HFM1: variants seen among roughly 807,000 people sequenced by gnomAD.
HFM1 encodes probable ATP-dependent DNA helicase HFM1.
In HFM1, 169 loss-of-function variants were observed where a neutral mutation model predicts 192.1. The ratio of observed to expected loss-of-function variants is 0.88; its 90% confidence interval spans 0.78 to 1.00. The LOEUF (loss-of-function observed/expected upper bound fraction) is 1.00, where lower values mean the gene tolerates loss of function less well. Among genes scored for constraint, HFM1 ranks in the 50% least tolerant of loss-of-function variants. The pLI is 0.00. For missense variants in HFM1, 1,661 were observed against 1,668.0 expected (o/e 1.00, Z 0.07); for synonymous variants, 525 against 537.8 (o/e 0.98, Z 0.33).
At chr1:91,267,372 A>AT (rs1216206060) in intron 35 of HFM1, among the ~76,000 whole-genome samples, 2 of 152,150 alleles carry the variant, frequency 1.3e-5, no homozygotes, top group African/African-American at 4.8e-5. Context: ...TTAAAAATGT[A>AT]TTTTTTTGTT....
At chr1:91,321,366 C>T (rs946561239) in intron 23 of HFM1, among the ~76,000 whole-genome samples, 4 of 152,238 alleles carry the variant, frequency 2.6e-5, no homozygotes, top group Admixed American at 2.6e-4. Context: ...ATCGCTTGAG[C>T]CCGGGAGGCA....
intron 31 of HFM1, 43 bp downstream of exon 31, chr1:91,276,939 T>G: frequency 1.6e-6 from 2 of 1,216,384 alleles, no homozygotes; most frequent in Non-Finnish European, 2.3e-6. Context: ...CAAAGACCTT[T>G]CAATTTTGAA....
intron 13 of HFM1, among the ~76,000 whole-genome samples, chr1:91,371,879 A>G (rs897895083): frequency 1.8e-4 from 28 of 152,344 alleles, no homozygotes; most frequent in African/African-American, 6.3e-4. Context: ...ATGAACTCAA[A>G]CAAATTTACA....
chr1:91,385,999 G>C (rs1327186443), intron 4 of HFM1, among the ~76,000 whole-genome samples, 165 bp from the exon 5 acceptor site: 1 of 152,182 alleles, frequency 6.6e-6, no homozygotes, highest in Non-Finnish European at 1.5e-5. Context: ...GTTTACCACT[G>C]AAGTATGTCT....
At chr1:91,286,645 C>T (rs1053847205) in intron 30 of HFM1, among the ~76,000 whole-genome samples, 9 of 152,222 alleles carry the variant, frequency 5.9e-5, no homozygotes, top group South Asian at 2.1e-4. Flanking sequence ...ATCACATTCA[C>T]GACCGAGGAG....
Position 91,298,951 on chromosome 1 carries a change from C to A in HFM1, c.3391+14398G>T, listed in dbSNP as rs562141263. Among the ~76,000 whole-genome samples the A allele has an allele frequency of 5.7e-4, 87 of 152,198 alleles. No homozygotes were observed. The Middle Eastern group carries it at 0.017, about 30-fold the overall frequency. ...TCACACATAACAATATTAACCTTAACTGTAAATGGGCTAAATGCTCCAATT... is the reference window on the plus strand; with the variant it reads ...TCACACATAACAATATTAACCTTAAATGTAAATGGGCTAAATGCTCCAATT... On this transcript the variant is annotated intron_variant, in intron 30 of 38. Coordinates refer to ENST00000370425, the MANE Select transcript of HFM1 (RefSeq NM_001017975.6).
intron 20 of HFM1, among the ~76,000 whole-genome samples, chr1:91,326,211 A>ATACT (rs1244803247): frequency 6.6e-6 from 1 of 152,216 alleles, no homozygotes; most frequent in African/African-American, 2.4e-5. Context: ...AAAGCATAGT[A>ATACT]TCACAGAACA....
intron 30 of HFM1, among the ~76,000 whole-genome samples, chr1:91,296,811 A>C (rs1647661145): frequency 6.6e-6 from 1 of 152,182 alleles, no homozygotes; most frequent in African/African-American, 2.4e-5. Flanking sequence ...TTTTGAGGGG[A>C]GGAGCCAAGA....
At chr1:91,356,637 C>CA (rs1413760153) in intron 13 of HFM1, among the ~76,000 whole-genome samples, 3 of 148,650 alleles carry the variant, frequency 2.0e-5, no homozygotes, top group South Asian at 2.1e-4. Context: ...AGAGATCCAC[C>CA]AAAAAAACAT....
At chr1:91,262,419 C>A in intron 37 of HFM1, 27 bp from the exon 38 acceptor site, 1 of 1,578,984 alleles carries the variant, frequency 6.3e-7, no homozygotes, top group South Asian at 1.2e-5. Context: ...AAATAACAAT[C>A]ATTGAAAGTT....
intron 30 of HFM1, among the ~76,000 whole-genome samples, chr1:91,311,796 G>A (rs1650498485): frequency 6.6e-6 from 1 of 152,216 alleles, no homozygotes; most frequent in Non-Finnish European, 1.5e-5. Context: ...TGTCACAGAT[G>A]TTTACGGCAG....
intron 30 of HFM1, among the ~76,000 whole-genome samples, chr1:91,288,366 CTTT>C (rs35536576): frequency 0.37 from 50,158 of 134,458 alleles, 9,336 homozygotes; most frequent in Middle Eastern, 0.53. Context: ...ATTCAACATT[CTTT>C]TTTTTTTTTT....
intron 30 of HFM1, among the ~76,000 whole-genome samples, chr1:91,287,341 G>T (rs1287132315): frequency 6.6e-6 from 1 of 152,188 alleles, no homozygotes; most frequent in Non-Finnish European, 1.5e-5. Context: ...CTCCTCAAGT[G>T]AGTCCCTGAC....
chr1:91,404,572 A>T (rs1664670896), intron 1 of HFM1: 1 of 252,342 alleles, frequency 4.0e-6, no homozygotes, highest in Admixed American at 6.3e-5. Context: ...AGCGCGCCGC[A>T]GGCCTCACCG....
At chr1:91,275,439 A>G (rs1570743032) in intron 32 of HFM1, among the ~76,000 whole-genome samples, 1 of 152,330 alleles carries the variant, frequency 6.6e-6, no homozygotes, top group East Asian at 1.9e-4. Context: ...CCTGATTTTC[A>G]AACAGTTATA....
At chr1:91,338,699 C>T (rs188511531) in intron 20 of HFM1, among the ~76,000 whole-genome samples, 13 of 152,310 alleles carry the variant, frequency 8.5e-5, no homozygotes, top group African/African-American at 2.6e-4. Context: ...CTTGTCACCA[C>T]GGCCGTGGCC....
chr1:91,285,409 TCA>T (rs758283359), intron 30 of HFM1, among the ~76,000 whole-genome samples: 4 of 152,238 alleles, frequency 2.6e-5, no homozygotes, highest in Non-Finnish European at 4.4e-5. Flanking sequence ...GAACTAAATA[TCA>T]GTTTGTATCA....
At chr1:91,401,435 CTGAATT>C in intron 1 of HFM1, among the ~76,000 whole-genome samples, 1 of 152,318 alleles carries the variant, frequency 6.6e-6, no homozygotes, top group South Asian at 2.1e-4. Flanking sequence ...AAAGGCTTTT[CTGAATT>C]TGTCTTCTTC....
chr1:91,377,845 G>A, intron 11 of HFM1, 180 bp downstream of exon 11: 2 of 598,444 alleles, frequency 3.3e-6, no homozygotes, highest in Non-Finnish European at 5.8e-6. Context: ...TATTAAACCT[G>A]ATTAACCAAA....
Sources: gnomAD v4.1 joint callset for allele counts (sites outside exome capture counted in the v4.1 genomes callset) on GRCh38, gnomAD v4.1.1 for gene constraint, MANE v1.5 for transcripts, NCBI Gene and HGNC (gene_info 2026-07-23, HGNC 2026-07-21) for gene names.